LRRC7: variants seen among roughly 807,000 people sequenced by gnomAD.
The protein encoded by LRRC7 is leucine-rich repeat-containing protein 7.
A neutral mutation model predicts 175.7 loss-of-function variants in LRRC7; 23 were observed. The observed-to-expected ratio is 0.13, with a 90% CI of 0.09 to 0.19. The LOEUF (loss-of-function observed/expected upper bound fraction) is 0.19, where lower values mean the gene tolerates loss of function less well. Ranked by LOEUF, LRRC7 falls within the 10% of genes least tolerant of loss-of-function variation. The pLI is 1.00. For synonymous variants in LRRC7, 685 were observed against 680.9 expected, an observed-to-expected ratio of 1.01 and a Z score of -0.09; for missense variants, 1,354 against 1,904.7, an observed-to-expected ratio of 0.71 and a Z score of 5.38.
intron 4 of LRRC7, among the ~76,000 whole-genome samples, chr1:69,825,116 C>T (rs1019965465): frequency 6.6e-6 from 1 of 152,156 alleles, no homozygotes; most frequent in Non-Finnish European, 1.5e-5. Context: ...GGGCAATCAG[C>T]CAGGCTGGCT....
intron 4 of LRRC7, among the ~76,000 whole-genome samples, chr1:69,817,173 C>A (rs528406175): frequency 6.6e-5 from 10 of 152,010 alleles, no homozygotes; most frequent in Non-Finnish European, 1.2e-4. Flanking sequence ...AAAACCATTT[C>A]CAAGTCCAAT....
At chr1:70,090,922 C>A (rs1663984258) in intron 25 of LRRC7, among the ~76,000 whole-genome samples, 1 of 152,124 alleles carries the variant, frequency 6.6e-6, no homozygotes, top group African/African-American at 2.4e-5. Flanking sequence ...GTTTCTTATA[C>A]TCTTCCTACC....
At chr1:69,694,658 G>A (rs148206400) in intron 2 of LRRC7, among the ~76,000 whole-genome samples, 126 of 152,136 alleles carry the variant, frequency 8.3e-4, no homozygotes, top group African/African-American at 2.9e-3. Flanking sequence ...GAATGACTTG[G>A]TGTTGTTCTC....
intron 2 of LRRC7, among the ~76,000 whole-genome samples, chr1:69,758,559 T>C (rs951035164): frequency 1.3e-4 from 20 of 151,976 alleles, no homozygotes; most frequent in African/African-American, 4.8e-4. Flanking sequence ...GTTACACGGG[T>C]AAATTGTATG....
At position 70,126,304 on chromosome 1, in the gene LRRC7, T is replaced by C. The variant is rs1300282568; in HGVS notation, c.*4417T>C. 6.6e-6 allele frequency among the ~76,000 whole-genome samples: 1 copy of C among 152,012 alleles called. No homozygotes were observed. The highest frequency in any genetic ancestry group is 1.5e-5 in the Non-Finnish European group (1 of 68,010). On this transcript the variant is annotated 3_prime_UTR_variant, in exon 27 of 27. Coordinates refer to ENST00000651989, the MANE Select transcript of LRRC7 (RefSeq NM_001370785.2). The stretch of plus-strand genomic sequence containing the variant: ...GGCACACTGGGTCAATAAAAAGTTA[T>C]GCAAATAATGAAATCCAATAGGTTA...
intron 3 of LRRC7, among the ~76,000 whole-genome samples, chr1:69,762,826 A>G (rs943699129): frequency 2.0e-5 from 3 of 152,058 alleles, no homozygotes; most frequent in African/African-American, 7.2e-5. Context: ...GACTTAATAT[A>G]TTTTACCAGT....
chr1:69,910,203 G>A (rs189129126), intron 7 of LRRC7, among the ~76,000 whole-genome samples: 53 of 152,218 alleles, frequency 3.5e-4, no homozygotes, highest in South Asian at 2.7e-3. Context: ...GTCATTCTCC[G>A]TCCAGCTTTG....
chr1:70,029,728 A>C (rs1435329149), intron 18 of LRRC7, among the ~76,000 whole-genome samples: 4 of 152,156 alleles, frequency 2.6e-5, no homozygotes, highest in African/African-American at 9.7e-5. Flanking sequence ...GTTTAACATC[A>C]AAATAACTGG....
chr1:70,103,458 T>C (rs556392825), intron 25 of LRRC7, among the ~76,000 whole-genome samples: 37 of 152,196 alleles, frequency 2.4e-4, no homozygotes, highest in Non-Finnish European at 4.1e-4. Flanking sequence ...AGGTTCACCA[T>C]TGGTAGCTTT....
intron 7 of LRRC7, among the ~76,000 whole-genome samples, chr1:69,870,098 T>C (rs1196625192): frequency 6.6e-6 from 1 of 152,120 alleles, no homozygotes; most frequent in Non-Finnish European, 1.5e-5. Context: ...GGGCTCTAAA[T>C]TCAGAGAGCA....
At chr1:69,820,524 C>T (rs1402749734) in intron 4 of LRRC7, among the ~76,000 whole-genome samples, 1 of 152,030 alleles carries the variant, frequency 6.6e-6, no homozygotes, top group African/African-American at 2.4e-5. Context: ...CCCTAGCCCC[C>T]CAACAGACCC....
intron 3 of LRRC7, among the ~76,000 whole-genome samples, chr1:69,781,646 C>A (rs1369589983): frequency 1.2e-4 from 17 of 145,284 alleles, no homozygotes; most frequent in Non-Finnish European, 1.8e-4. Flanking sequence ...CATGCCACTG[C>A]ACTCCAGCCT....
At chr1:69,658,094 TA>T (rs1462771628) in intron 1 of LRRC7, among the ~76,000 whole-genome samples, 1 of 151,824 alleles carries the variant, frequency 6.6e-6, no homozygotes, top group Non-Finnish European at 1.5e-5. Flanking sequence ...TCTGATGTAA[TA>T]CAAAAAAACT....
At chr1:70,043,474 A>G (rs1304994306) in intron 21 of LRRC7, among the ~76,000 whole-genome samples, 1 of 152,194 alleles carries the variant, frequency 6.6e-6, no homozygotes, top group Non-Finnish European at 1.5e-5. Flanking sequence ...AAGGAGACTG[A>G]TTTTGGCTTT....
chr1:70,055,781 C>A (rs1009926491), intron 23 of LRRC7, among the ~76,000 whole-genome samples: 1 of 152,156 alleles, frequency 6.6e-6, no homozygotes. Flanking sequence ...GATTCAAACA[C>A]CTCCCACTAG....
intron 8 of LRRC7, among the ~76,000 whole-genome samples, chr1:69,978,595 C>T (rs1475544675): frequency 6.6e-6 from 1 of 152,126 alleles, no homozygotes; most frequent in Non-Finnish European, 1.5e-5. Flanking sequence ...AGCAGAATGC[C>T]ATGTCTCTAA....
intron 2 of LRRC7, among the ~76,000 whole-genome samples, chr1:69,722,956 C>A (rs1666528158): frequency 2.6e-5 from 4 of 151,974 alleles, no homozygotes; most frequent in Admixed American, 2.6e-4. Flanking sequence ...TTTTCCCCAG[C>A]TTAAAATTTG....
intron 11 of LRRC7, among the ~76,000 whole-genome samples, chr1:70,005,863 T>C (rs1267218863): frequency 6.6e-6 from 1 of 152,234 alleles, no homozygotes; most frequent in African/African-American, 2.4e-5. Flanking sequence ...TCCTTGTGAC[T>C]GGCATGCACA....
At chr1:69,691,872 T>A (rs1022398494) in intron 2 of LRRC7, among the ~76,000 whole-genome samples, 1 of 146,194 alleles carries the variant, frequency 6.8e-6, no homozygotes, top group Non-Finnish European at 1.5e-5. Flanking sequence ...TAGTTGACAG[T>A]ACAGTTGGAG....
Sources: gnomAD v4.1 joint callset for allele counts (sites outside exome capture counted in the v4.1 genomes callset) on GRCh38, gnomAD v4.1.1 for gene constraint, MANE v1.5 for transcripts, NCBI Gene and HGNC (gene_info 2026-07-23, HGNC 2026-07-21) for gene names.